The following CCDC149 variants were observed in gnomAD, a reference collection of about 807,000 sequenced individuals.
The protein encoded by CCDC149 is coiled-coil domain-containing protein 149.
Under a neutral mutation model 59.9 loss-of-function variants are expected in CCDC149, and 45 were observed. The observed-to-expected ratio is 0.75, with a 90% CI of 0.59 to 0.96. CCDC149 has a LOEUF of 0.96. Among genes scored for constraint, CCDC149 ranks in the 40% least tolerant of loss-of-function variants. The probability of loss-of-function intolerance (pLI) is 0.00; values close to 1 mark genes in which losing one functional copy is unlikely to be tolerated. For missense variants in CCDC149, 584 were observed against 664.7 expected (o/e 0.88, Z 1.33); for synonymous variants, 245 against 260.6 (o/e 0.94, Z 0.58).
At chr4:24,950,069 C>G (rs1025420870) in intron 1 of CCDC149, among the ~76,000 whole-genome samples, 3 of 152,150 alleles carry the variant, frequency 2.0e-5, no homozygotes, top group African/African-American at 7.2e-5. Flanking sequence ...AGGGGTCACC[C>G]CTGACCTGGA....
At position 24,920,835 on chromosome 4, in the gene CCDC149, G is replaced by A. The variant is rs189229018; in HGVS notation, c.-64-25717C>T. ...CAATTAAATTTAGGCCTCAATACCTGTATTTTTTTTTAGAACCTACCAGTT... is the reference window on the plus strand; with the variant it reads ...CAATTAAATTTAGGCCTCAATACCTATATTTTTTTTTAGAACCTACCAGTT... On this transcript the variant is annotated intron_variant, in intron 1 of 12. Coordinates refer to the CCDC149 transcript ENST00000389609. 2.0e-3 allele frequency among the ~76,000 whole-genome samples: 308 copies of A among 152,258 alleles called. 1 individual carries two copies. The highest frequency in any genetic ancestry group is 7.0e-3 in the African/African-American group (290 of 41,544).
At chr4:24,854,389 C>T (rs956954194) in intron 3 of CCDC149, among the ~76,000 whole-genome samples, 21 of 152,008 alleles carry the variant, frequency 1.4e-4, no homozygotes, top group African/African-American at 4.1e-4. Context: ...TGCTCAGGTA[C>T]CGACAAGTGT....
Position 24,808,571 on chromosome 4 carries a change from G to A in CCDC149, c.1441C>T (p.Pro481Ser). ...GTCTCACTCCTCTGACCTTCTATGG[G>A]ACTCTCTCTTCTGACCTCTTCCAGT... Residue 481 changes from proline (P) to serine (S), a missense_variant, in exon 13 of 13, where the codon CCC becomes TCC. Physicochemically the swap from Pro to Ser is moderately conservative, Grantham distance 74. Coordinates refer to ENST00000635206, the MANE Select transcript of CCDC149 (RefSeq NM_001330643.2). The A allele has an allele frequency of 6.4e-7, 1 of 1,551,792 alleles. No homozygotes were observed. The highest frequency in any genetic ancestry group is 8.7e-7 in the Non-Finnish European group (1 of 1,146,984).
At chr4:24,819,824 T>A (rs1715249102) in intron 12 of CCDC149, 35 bp downstream of exon 12, 1 of 1,448,570 alleles carries the variant, frequency 6.9e-7, no homozygotes, top group African/African-American at 1.4e-5. Flanking sequence ...GCAGGCACAG[T>A]CCAGGTAAAG....
At chr4:24,964,188 T>G (rs1222555651) in intron 1 of CCDC149, among the ~76,000 whole-genome samples, 1 of 48,334 alleles carries the variant, frequency 2.1e-5, no homozygotes, top group African/African-American at 1.0e-4. Flanking sequence ...AGTGAGACCC[T>G]ATCTAAAAAA....
intron 1 of CCDC149, among the ~76,000 whole-genome samples, chr4:24,966,976 G>T (rs767132984): frequency 6.6e-6 from 1 of 152,190 alleles, no homozygotes; most frequent in African/African-American, 2.4e-5. Flanking sequence ...TCATTTATGG[G>T]AACCCAGATA....
intron 3 of CCDC149, among the ~76,000 whole-genome samples, chr4:24,856,588 C>G (rs1012506193): frequency 3.3e-5 from 5 of 152,220 alleles, no homozygotes; most frequent in Non-Finnish European, 5.9e-5. Flanking sequence ...AGGCTTCCCT[C>G]TCTCCCTCAC....
At chr4:24,844,515 G>A (rs1717144637) in intron 4 of CCDC149, among the ~76,000 whole-genome samples, 1 of 152,166 alleles carries the variant, frequency 6.6e-6, no homozygotes. Context: ...GCTGACACCT[G>A]TAATCCCAGC....
chr4:24,867,846 ATCACAGAAAT>A (rs1436853845), intron 3 of CCDC149, among the ~76,000 whole-genome samples: 1 of 152,232 alleles, frequency 6.6e-6, no homozygotes, highest in African/African-American at 2.4e-5. Flanking sequence ...GTAAGCTCAG[ATCACAGAAAT>A]TCAACCTTCT....
chr4:24,877,413 A>T (rs1719532643), intron 1 of CCDC149, among the ~76,000 whole-genome samples: 1 of 152,014 alleles, frequency 6.6e-6, no homozygotes, highest in African/African-American at 2.4e-5. Context: ...TGAATTCCTG[A>T]CCTCAGGTGA....
chr4:24,944,515 G>A (rs563978048), intron 1 of CCDC149, among the ~76,000 whole-genome samples: 94 of 151,538 alleles, frequency 6.2e-4, no homozygotes, highest in Non-Finnish European at 1.0e-3. Flanking sequence ...AAACCTGCAC[G>A]TTGTGCACAT....
At chr4:24,905,591 ACGCCC>A (rs1721453422) in intron 1 of CCDC149, among the ~76,000 whole-genome samples, 1 of 116,834 alleles carries the variant, frequency 8.6e-6, no homozygotes, top group Non-Finnish European at 2.1e-5. Flanking sequence ...GCGTGCCACC[ACGCCC>A]AGCTAATTTT....
At chr4:24,907,262 T>C (rs1363396393) in intron 1 of CCDC149, among the ~76,000 whole-genome samples, 1 of 152,172 alleles carries the variant, frequency 6.6e-6, no homozygotes, top group Non-Finnish European at 1.5e-5. Flanking sequence ...GTAGGTACTT[T>C]TACTACCCTA....
At chr4:24,871,507 C>G (rs182706224) in intron 3 of CCDC149, among the ~76,000 whole-genome samples, 1 of 152,316 alleles carries the variant, frequency 6.6e-6, no homozygotes, top group Non-Finnish European at 1.5e-5. Context: ...ATCTGGACTC[C>G]CTTCAAGTCC....
intron 1 of CCDC149, among the ~76,000 whole-genome samples, chr4:24,977,549 T>C (rs979236940): frequency 1.6e-4 from 24 of 152,188 alleles, no homozygotes; most frequent in Non-Finnish European, 1.5e-5. Context: ...CAAGCCTGTC[T>C]AGCTAATACC....
chr4:24,815,329 G>A (rs1714941802), intron 12 of CCDC149, among the ~76,000 whole-genome samples: 1 of 152,166 alleles, frequency 6.6e-6, no homozygotes, highest in Admixed American at 6.6e-5. Context: ...GTAGCTCAGG[G>A]AAGCAATCAC....
intron 4 of CCDC149, among the ~76,000 whole-genome samples, chr4:24,841,181 A>G (rs1199569887): frequency 6.6e-6 from 1 of 152,204 alleles, no homozygotes; most frequent in Admixed American, 6.5e-5. Flanking sequence ...TTTCAGTATG[A>G]GGCCAACAGG....
chr4:24,877,795 A>T (rs73250613), intron 1 of CCDC149, among the ~76,000 whole-genome samples: 15,127 of 151,742 alleles, frequency 0.1, 942 homozygotes, highest in Non-Finnish European at 0.13. Flanking sequence ...CCCTCTGCTC[A>T]CTCTCCTGCA....
chr4:24,868,429 T>C (rs774124491), intron 3 of CCDC149, among the ~76,000 whole-genome samples: 9 of 152,198 alleles, frequency 5.9e-5, no homozygotes, highest in Non-Finnish European at 1.3e-4. Flanking sequence ...CTAGAGCTAT[T>C]TCCCCACTTG....
Sources: allele counts gnomAD v4.1 joint callset (sites outside exome capture counted in the v4.1 genomes callset), GRCh38; gene constraint gnomAD v4.1.1; transcripts MANE v1.5; gene names NCBI Gene and HGNC (gene_info 2026-07-23, HGNC 2026-07-21).